The following PTN variants were observed in gnomAD, a reference collection of about 807,000 sequenced individuals.
The protein encoded by PTN is heparin affin regulatory protein.
PTN carries 18 observed loss-of-function variants against 24.1 expected under a neutral mutation model. The observed-to-expected ratio is 0.75, with a 90% CI of 0.52 to 1.11. The LOEUF (loss-of-function observed/expected upper bound fraction) is 1.11. PTN is among the 50% of genes least tolerant of loss of function. PTN has a pLI of 0.00. For synonymous variants in PTN, 78 were observed against 68.6 expected (o/e 1.14, Z -0.67); for missense variants, 163 against 198.8 (o/e 0.82, Z 1.08).
rs1808844594 is a variant in PTN, at chr7:137,252,422, GT to G, written c.290-1032del. On this transcript the variant is annotated intron_variant, in intron 3 of 4. Coordinates refer to ENST00000348225, the MANE Select transcript of PTN (RefSeq NM_002825.7). ...TTTTGTTTTTTGTTGTTGTTGTTTT[GT>G]TGTTTACTGTTGAGTTTGAGAGTTA... 2.0e-5 allele frequency among the ~76,000 whole-genome samples: 3 copies of G among 151,670 alleles called. 1 individual carries two copies. The highest frequency in any genetic ancestry group is 7.3e-5 in the African/African-American group (3 of 41,070).
At chr7:137,326,413 A>C (rs1810263073) in intron 1 of PTN, 1 of 152,098 alleles carries the variant, frequency 6.6e-6, no homozygotes, top group Admixed American at 6.6e-5. Flanking sequence ...CTCCCATTAT[A>C]ATGTCTAGAT....
rs1434080810 is a variant in PTN at position 137,253,638 on chromosome 7, CTGAA to C, written c.116-5_116-2del. On this transcript the variant is annotated splice_acceptor_variant and splice_polypyrimidine_tract_variant and intron_variant, in intron 2 of 4. Transcript: ENST00000348225. LOFTEE classifies it high-confidence loss of function. ...CAGTCAGACTTCTTCACTTTTTTTTCTGAATGAAAGGAGGAAAACCTAATCAACA... is the reference window on the plus strand; with the variant it reads ...CAGTCAGACTTCTTCACTTTTTTTTCTGAAAGGAGGAAAACCTAATCAACA... 2.6e-6 allele frequency: 4 copies of C among 1,539,658 alleles called. No individual in the cohort carries two copies. Among genetic ancestry groups the C allele is most frequent in the Non-Finnish European group, 3.5e-6 (4 of 1,137,346 alleles).
rs186089341 is a variant in PTN at position 137,257,904 on chromosome 7, C to A, written c.-1-2930G>T. On this transcript the variant is annotated intron_variant, in intron 1 of 4. Coordinates refer to ENST00000348225, the MANE Select transcript of PTN (RefSeq NM_002825.7). ...GCAAGAAGAGAGGCCAGAAGCACCT[C>A]AGAGCCCACTGGAGAAATATGATAA... 2.0e-4 allele frequency among the ~76,000 whole-genome samples: 30 copies of A among 152,256 alleles called. No homozygotes were observed. The East Asian group carries it at 5.2e-3, about 26-fold the overall frequency.
intron 1 of PTN, among the ~76,000 whole-genome samples, chr7:137,268,334 G>A (rs969850590): frequency 3.3e-5 from 5 of 152,100 alleles, no homozygotes; most frequent in Admixed American, 2.0e-4. Context: ...CTCGCTTGCC[G>A]GTCAGGGAAC....
intron 1 of PTN, among the ~76,000 whole-genome samples, chr7:137,300,153 T>G (rs866913055): frequency 6.6e-6 from 1 of 152,000 alleles, no homozygotes; most frequent in South Asian, 2.1e-4. Flanking sequence ...AACATTGATA[T>G]TACATTAAAA....
intron 4 of PTN, among the ~76,000 whole-genome samples, chr7:137,241,467 T>C (rs1808627087): frequency 6.6e-6 from 1 of 152,188 alleles, no homozygotes; most frequent in African/African-American, 2.4e-5. Flanking sequence ...TCCTTTTGCC[T>C]GAAAAGGTGC....
chr7:137,269,720 C>T (rs997964483), intron 1 of PTN, among the ~76,000 whole-genome samples: 2 of 149,186 alleles, frequency 1.3e-5, no homozygotes, highest in African/African-American at 5.0e-5. Flanking sequence ...GCAACCTCCA[C>T]CTCCTGGGTT....
intron 1 of PTN, among the ~76,000 whole-genome samples, chr7:137,302,313 C>T (rs1176616172): frequency 6.6e-6 from 1 of 151,976 alleles, no homozygotes; most frequent in African/African-American, 2.4e-5. Flanking sequence ...ACCATGTCCT[C>T]TAAGTTCTAG....
chr7:137,244,287 A>C (rs1040707840), intron 4 of PTN, among the ~76,000 whole-genome samples: 14 of 151,958 alleles, frequency 9.2e-5, no homozygotes, highest in Non-Finnish European at 1.5e-4. Flanking sequence ...TGCACATTTC[A>C]ATTCTTATTT....
rs188487200 is a variant in PTN, at chr7:137,266,414, C to T, written c.-1-11440G>A. Among the ~76,000 whole-genome samples the T allele has an allele frequency of 3.0e-3, 450 of 152,160 alleles. 2 individuals carry two copies. Among genetic ancestry groups the T allele is most frequent in the African/African-American group, 0.01 (429 of 41,528 alleles). ...CACATAAACTGTTTCTTCAATAGTA[C>T]TCAGGAGGCCTTATTACTTTTAAAT... On this transcript the variant is annotated intron_variant, in intron 1 of 4. Transcript: ENST00000348225.
chr7:137,310,571 T>A (rs1463469035), intron 1 of PTN, among the ~76,000 whole-genome samples: 1 of 151,782 alleles, frequency 6.6e-6, no homozygotes, highest in African/African-American at 2.4e-5. Flanking sequence ...CTAATTTTTC[T>A]TTTTTTGTAT....
chr7:137,292,485 C>T (rs1038469163), intron 1 of PTN, among the ~76,000 whole-genome samples: 1 of 152,094 alleles, frequency 6.6e-6, no homozygotes, highest in Non-Finnish European at 1.5e-5. Flanking sequence ...CACCCTCTTG[C>T]CTGCCACCAT....
chr7:137,253,453 A>T lies in PTN; in HGVS notation c.289+11T>A. The T allele has an allele frequency of 6.3e-7, 1 of 1,597,686 alleles. No individual in the cohort carries two copies. Among genetic ancestry groups the T allele is most frequent in the Non-Finnish European group, 8.6e-7 (1 of 1,168,594 alleles). The stretch of plus-strand genomic sequence containing the variant: ...CAGAGTAGGAGATTAACTCAGTAGC[A>T]TGAGGCTTACCGCCAAATTGCTTCT... On this transcript the variant is annotated intron_variant, in intron 3 of 4. Coordinates refer to ENST00000348225, the MANE Select transcript of PTN (RefSeq NM_002825.7).
At chr7:137,304,380 GA>G (rs1418509969) in intron 1 of PTN, among the ~76,000 whole-genome samples, 2 of 151,848 alleles carry the variant, frequency 1.3e-5, no homozygotes, top group African/African-American at 4.8e-5. Context: ...CCATGGAACT[GA>G]ATAGCTAAGT....
At chr7:137,260,553 T>C (rs1809017264) in intron 1 of PTN, among the ~76,000 whole-genome samples, 1 of 152,158 alleles carries the variant, frequency 6.6e-6, no homozygotes, top group Non-Finnish European at 1.5e-5. Context: ...ATCTTTCAAT[T>C]TGCTTTTACT....
At chr7:137,267,440 G>T (rs118148041) in intron 1 of PTN, among the ~76,000 whole-genome samples, 4 of 152,004 alleles carry the variant, frequency 2.6e-5, no homozygotes, top group Non-Finnish European at 5.9e-5. Flanking sequence ...GTCTATGTAC[G>T]GAAACTGGTC....
intron 1 of PTN, among the ~76,000 whole-genome samples, chr7:137,266,855 T>G (rs1809157830): frequency 6.8e-6 from 1 of 147,574 alleles, no homozygotes; most frequent in Non-Finnish European, 1.5e-5. Flanking sequence ...AACTTAGAAT[T>G]TGTATAGATG....
chr7:137,290,322 G>T (rs1346315237), intron 1 of PTN, among the ~76,000 whole-genome samples: 2 of 152,020 alleles, frequency 1.3e-5, no homozygotes, highest in Non-Finnish European at 2.9e-5. Flanking sequence ...AAAAACAAAT[G>T]GTGTTCTAAA....
At position 137,284,714 on chromosome 7, in the gene PTN, G is replaced by A. The variant is rs116576387; in HGVS notation, c.-1-29740C>T. Among the ~76,000 whole-genome samples the A allele has an allele frequency of 1.6e-3, 250 of 152,248 alleles. 2 individuals are homozygous for A. Among genetic ancestry groups the A allele is most frequent in the African/African-American group, 5.9e-3 (245 of 41,548 alleles). ...CACTGTTAGATGACTACATTCTGGAGAAGTCAACTTGGAGAGGTGGCTACA... is the reference window on the plus strand; with the variant it reads ...CACTGTTAGATGACTACATTCTGGAAAAGTCAACTTGGAGAGGTGGCTACA... On this transcript the variant is annotated intron_variant, in intron 1 of 4. Coordinates refer to ENST00000348225, the MANE Select transcript of PTN (RefSeq NM_002825.7).
Sources: gnomAD v4.1 joint callset for allele counts (sites outside exome capture counted in the v4.1 genomes callset) on GRCh38, gnomAD v4.1.1 for gene constraint, MANE v1.5 for transcripts, NCBI Gene and HGNC (gene_info 2026-07-23, HGNC 2026-07-21) for gene names.